NKAIN1: variants seen among roughly 807,000 people sequenced by gnomAD.
The protein encoded by NKAIN1 is sodium/potassium transporting ATPase interacting 1, also known as sodium/potassium-transporting ATPase subunit beta-1-interacting protein 1.
Under a neutral mutation model 31.6 loss-of-function variants are expected in NKAIN1, and 13 were observed. The observed-to-expected ratio is 0.41, with a 90% CI of 0.27 to 0.65. NKAIN1 has a LOEUF of 0.65. NKAIN1 is among the 30% of genes least tolerant of loss of function. The pLI, the probability that NKAIN1 is intolerant of heterozygous loss-of-function variation, is 0.30. For missense variants in NKAIN1, 193 were observed against 262.2 expected (o/e 0.74, Z 1.82); for synonymous variants, 104 against 109.0 (o/e 0.95, Z 0.28).
Position 31,181,896 on chromosome 1 carries a change from T to C in NKAIN1, c.578A>G (p.Gln193Arg). ...GFDSYGYQAPQKTSHLQLQPL... is the reference protein window; with the variant it reads ...GFDSYGYQAPRKTSHLQLQPL... ...CTGCAGCTGTAAATGCGACGTCTTC[T>C]GGGGCGCCTGGTATCCGTAGGAGTC... Residue 193 changes from glutamine (Q) to arginine (R), a missense_variant, in exon 6 of 7, where the codon CAG becomes CGG. Transcript: ENST00000373736. The C allele has an allele frequency of 6.2e-7, 1 of 1,607,952 alleles. No individual in the cohort carries two copies.
At chr1:31,227,227 C>T (rs1023643045) in intron 1 of NKAIN1, among the ~76,000 whole-genome samples, 1 of 152,180 alleles carries the variant, frequency 6.6e-6, no homozygotes, top group African/African-American at 2.4e-5. Context: ...TGCCTCGTTG[C>T]GTGACTTTGG....
chr1:31,221,173 T>C (rs1259289600), intron 1 of NKAIN1, among the ~76,000 whole-genome samples: 1 of 151,972 alleles, frequency 6.6e-6, no homozygotes, highest in African/African-American at 2.4e-5. Flanking sequence ...GCACAGCAAA[T>C]GGCAAAGGCT....
At position 31,231,737 on chromosome 1, in the gene NKAIN1, A is replaced by G. The variant is rs572968455; in HGVS notation, c.54+7757T>C. ...AGTAGAGACAGGGTTTCACAGTGTTAGCCAGGATGGTCTCGATCTCCTGAC... is the reference window on the plus strand; with the variant it reads ...AGTAGAGACAGGGTTTCACAGTGTTGGCCAGGATGGTCTCGATCTCCTGAC... On this transcript the variant is annotated intron_variant, in intron 1 of 6. Transcript: ENST00000373736. Among the ~76,000 whole-genome samples, 487 of 150,538 alleles carry G rather than the reference A, an allele frequency of 3.2e-3. 3 individuals carry two copies. In the Middle Eastern group the frequency reaches 0.033, roughly 10 times the overall value.
At chr1:31,193,063 ATTTT>A in intron 1 of NKAIN1, among the ~76,000 whole-genome samples, 1 of 46,160 alleles carries the variant, frequency 2.2e-5, no homozygotes, top group East Asian at 4.9e-4. Context: ...TTTATTATTT[ATTTT>A]TTTATTTTTT....
Position 31,239,415 on chromosome 1 carries a change from G to T in NKAIN1, c.54+79C>A. 8.7e-7 allele frequency: 1 copy of T among 1,144,440 alleles called. No individual in the cohort carries two copies. The highest frequency in any genetic ancestry group is 1.2e-6 in the Non-Finnish European group (1 of 863,122). The allele number at this position is 1,144,440 out of a possible 1,614,324, so 70.9% of individuals were successfully genotyped here. A position where few individuals can be genotyped will look rare whatever the true frequency, so the allele number is the denominator to read the frequency against. The stretch of plus-strand genomic sequence containing the variant: ...ACCAGACACACACACAGAGACACAC[G>T]CAACCCCACCCGCACGCCCTGGGAC... On this transcript the variant is annotated intron_variant, in intron 1 of 6. Transcript: ENST00000373736. The surrounding 1 kb of genome is among the most constrained non-coding windows in gnomAD (Gnocchi z 4.8).
chr1:31,188,195 A>C lies in NKAIN1; in HGVS notation c.55-8T>G, dbSNP rs529275029. 1 of 1,551,166 alleles carries C rather than the reference A, an allele frequency of 6.4e-7. No homozygotes were observed. The highest frequency in any genetic ancestry group is 2.0e-5 in the Admixed American group (1 of 50,978). On this transcript the variant is annotated splice_polypyrimidine_tract_variant and splice_region_variant and intron_variant, in intron 1 of 6. Coordinates refer to ENST00000373736, the MANE Select transcript of NKAIN1 (RefSeq NM_024522.3). ...CCGCTCCAGCGCAGCCACCTGTGGA[A>C]GAGACAGGCTGAGGCCACTGTCACC...
At chr1:31,218,717 G>C (rs1041521140) in intron 1 of NKAIN1, among the ~76,000 whole-genome samples, 2 of 152,120 alleles carry the variant, frequency 1.3e-5, no homozygotes, top group Non-Finnish European at 2.9e-5. Flanking sequence ...TCCTCCTCAC[G>C]TCCCCACTTC....
chr1:31,210,802 G>A (rs1177079492), intron 1 of NKAIN1, among the ~76,000 whole-genome samples: 2 of 152,214 alleles, frequency 1.3e-5, no homozygotes, highest in Admixed American at 6.5e-5. Context: ...TAGAATCCCT[G>A]AAGGAAGGGC....
chr1:31,184,088 A>T, intron 3 of NKAIN1, 74 bp from the exon 4 acceptor site: 1 of 1,362,188 alleles, frequency 7.3e-7, no homozygotes, highest in African/African-American at 1.4e-5. Context: ...GCCCAGGAAG[A>T]CTATATTGAT....
chr1:31,223,572 G>C (rs1306821962), intron 1 of NKAIN1, among the ~76,000 whole-genome samples: 2 of 152,030 alleles, frequency 1.3e-5, no homozygotes, highest in Admixed American at 6.6e-5. Context: ...AGCCTTCCAA[G>C]TAGCTGGGAC....
At chr1:31,188,288 G>T in intron 1 of NKAIN1, 101 bp from the exon 2 acceptor site, 1 of 1,320,448 alleles carries the variant, frequency 7.6e-7, no homozygotes. Flanking sequence ...TTACCATGGT[G>T]ATGAGGCATA....
intron 4 of NKAIN1, among the ~76,000 whole-genome samples, chr1:31,183,301 C>G (rs12034509): frequency 6.6e-6 from 1 of 152,130 alleles, no homozygotes; most frequent in Admixed American, 6.5e-5. Context: ...GATTCATAGT[C>G]TGATGCCTCA....
intron 1 of NKAIN1, among the ~76,000 whole-genome samples, chr1:31,214,103 A>G (rs1645492360): frequency 6.6e-6 from 1 of 152,158 alleles, no homozygotes; most frequent in African/African-American, 2.4e-5. Flanking sequence ...AGCCATAAGA[A>G]AGAATGAAGT....
At chr1:31,182,378 G>A in intron 5 of NKAIN1, 152 bp downstream of exon 5, 4 of 787,762 alleles carry the variant, frequency 5.1e-6, no homozygotes, top group Non-Finnish European at 8.4e-6. Context: ...GGGCTGGTAT[G>A]CAGAGCCTTC....
intron 1 of NKAIN1, among the ~76,000 whole-genome samples, chr1:31,188,924 A>G (rs1645264764): frequency 5.9e-5 from 9 of 151,946 alleles, no homozygotes; most frequent in Admixed American, 5.9e-4. Flanking sequence ...TAGGTGAGAG[A>G]ATCTCTTGAG....
At chr1:31,231,287 C>T (rs1325495971) in intron 1 of NKAIN1, among the ~76,000 whole-genome samples, 3 of 151,932 alleles carry the variant, frequency 2.0e-5, no homozygotes, top group African/African-American at 7.3e-5. Context: ...TATACAACCT[C>T]CCCACTCCCC....
At chr1:31,203,249 A>G (rs1236779315) in intron 1 of NKAIN1, among the ~76,000 whole-genome samples, 1 of 150,850 alleles carries the variant, frequency 6.6e-6, no homozygotes, top group Admixed American at 6.7e-5. Flanking sequence ...TAGGTGACAG[A>G]GCGAGATTCC....
At chr1:31,238,093 G>A (rs890490153) in intron 1 of NKAIN1, among the ~76,000 whole-genome samples, 3 of 152,120 alleles carry the variant, frequency 2.0e-5, no homozygotes, top group African/African-American at 4.8e-5. Context: ...GACTGAGGCC[G>A]GCCAGTGGGG....
intron 1 of NKAIN1, among the ~76,000 whole-genome samples, chr1:31,231,086 G>C (rs1040958797): frequency 1.3e-5 from 2 of 151,798 alleles, no homozygotes; most frequent in Non-Finnish European, 2.9e-5. Context: ...GTTTCACCAC[G>C]TTGGCCAGGC....
Sources: allele counts gnomAD v4.1 joint callset (sites outside exome capture counted in the v4.1 genomes callset), GRCh38; gene constraint gnomAD v4.1.1; non-coding constraint Gnocchi (gnomAD v3.1); transcripts MANE v1.5; gene names NCBI Gene and HGNC (gene_info 2026-07-23, HGNC 2026-07-21).